Variants in SYN3 observed in about 807,000 individuals in gnomAD.
SYN3 encodes synapsin-3.
In SYN3, 35 loss-of-function variants were observed where a neutral mutation model predicts 65.8. The observed-to-expected ratio is 0.53, with a 90% CI of 0.41 to 0.70. The LOEUF (loss-of-function observed/expected upper bound fraction) is 0.70, where lower values mean the gene tolerates loss of function less well. Among genes scored for constraint, SYN3 ranks in the 30% least tolerant of loss-of-function variants. SYN3 has a pLI of 0.00. For missense variants in SYN3, 680 were observed against 749.0 expected, an observed-to-expected ratio of 0.91 and a Z score of 1.08; for synonymous variants, 270 against 292.9, an observed-to-expected ratio of 0.92 and a Z score of 0.80.
chr22:32,912,401 G>C lies in SYN3; in HGVS notation c.461+18989C>G, dbSNP rs1341891220. 5.9e-5 allele frequency among the ~76,000 whole-genome samples: 9 copies of C among 151,834 alleles called. No individual in the cohort carries two copies. The East Asian group carries it at 1.6e-3, about 26-fold the overall frequency. ...CTGAGAAAAATGTGGCTGAAACTGA[G>C]ACAACAATTAAAGTTTTAAAGCACT... On this transcript the variant is annotated intron_variant, in intron 4 of 13. Coordinates refer to ENST00000358763, the MANE Select transcript of SYN3 (RefSeq NM_003490.4).
At chr22:32,519,690 C>T (rs1292738247) in intron 12 of SYN3, 1 of 152,226 alleles carries the variant, frequency 6.6e-6, no homozygotes, top group Non-Finnish European at 1.5e-5. Flanking sequence ...AATCAAGGTG[C>T]ACTCTCCTAA....
intron 6 of SYN3, among the ~76,000 whole-genome samples, chr22:32,764,497 G>A (rs2045572279): frequency 6.6e-6 from 1 of 152,176 alleles, no homozygotes; most frequent in Non-Finnish European, 1.5e-5. Context: ...CCAGTGGGCT[G>A]CTTTCGGATC....
chr22:32,979,665 T>C (rs1023087649), intron 3 of SYN3, among the ~76,000 whole-genome samples: 1 of 152,216 alleles, frequency 6.6e-6, no homozygotes, highest in Non-Finnish European at 1.5e-5. Context: ...ATAATGATGC[T>C]GATGATAAAT....
At chr22:33,031,176 A>G (rs536728706) in intron 1 of SYN3, among the ~76,000 whole-genome samples, 20 of 152,294 alleles carry the variant, frequency 1.3e-4, no homozygotes, top group African/African-American at 4.8e-4. Flanking sequence ...CTACTGAGTA[A>G]TTGGGTGAGT....
At chr22:32,749,581 C>T (rs1190200702) in intron 6 of SYN3, among the ~76,000 whole-genome samples, 1 of 152,054 alleles carries the variant, frequency 6.6e-6, no homozygotes, top group Non-Finnish European at 1.5e-5. Flanking sequence ...GCAGGGGTTG[C>T]AGTGAGCCAA....
chr22:32,801,969 G>A lies in SYN3; in HGVS notation c.711+62946C>T. 1 of 1,577,298 alleles carries A rather than the reference G, an allele frequency of 6.3e-7. No individual in the cohort carries two copies. Among genetic ancestry groups the A allele is most frequent in the Non-Finnish European group, 8.6e-7 (1 of 1,169,492 alleles). ...GCGCACGGCAACTTTGGAGAGGCGA[G>A]CAGCAGCCCCGGCAGCGGCGGCAGC... On this transcript the variant is annotated intron_variant, in intron 6 of 13. Transcript: ENST00000358763. This position sits in a 1 kb window ranked among gnomAD's most constrained non-coding sequence, Gnocchi z 4.7.
At chr22:32,898,874 G>T (rs1332286947) in intron 4 of SYN3, among the ~76,000 whole-genome samples, 1 of 152,128 alleles carries the variant, frequency 6.6e-6, no homozygotes, top group Non-Finnish European at 1.5e-5. Context: ...AGGCCGAGGC[G>T]GGTGGATCAC....
chr22:32,783,609 TC>T (rs2046124493), intron 6 of SYN3, among the ~76,000 whole-genome samples: 1 of 152,146 alleles, frequency 6.6e-6, no homozygotes, highest in South Asian at 2.1e-4. Flanking sequence ...CATGCTGGAA[TC>T]CCCTGTGCGC....
At chr22:32,949,960 ATGT>A (rs2051240529) in intron 3 of SYN3, among the ~76,000 whole-genome samples, 1 of 152,286 alleles carries the variant, frequency 6.6e-6, no homozygotes, top group South Asian at 2.1e-4. Flanking sequence ...ACACAACGAG[ATGT>A]TGTCCAGAGT....
At chr22:33,036,264 G>A (rs1010625212) in intron 1 of SYN3, among the ~76,000 whole-genome samples, 6 of 152,112 alleles carry the variant, frequency 3.9e-5, no homozygotes, top group African/African-American at 1.4e-4. Context: ...CATAAACCTC[G>A]ATGATTGAGA....
At chr22:33,042,731 G>A (rs549156609) in intron 1 of SYN3, among the ~76,000 whole-genome samples, 13 of 152,194 alleles carry the variant, frequency 8.5e-5, no homozygotes, top group Admixed American at 5.9e-4. Flanking sequence ...GGAGCCCCCC[G>A]CCACCCAATC....
At chr22:32,544,612 G>A (rs573991563) in intron 7 of SYN3, among the ~76,000 whole-genome samples, 1 of 152,166 alleles carries the variant, frequency 6.6e-6, no homozygotes, top group Non-Finnish European at 1.5e-5. Flanking sequence ...CTGTACCACT[G>A]TTTTCCCAGT....
At chr22:32,883,224 T>G (rs1256375546) in intron 4 of SYN3, among the ~76,000 whole-genome samples, 4 of 152,184 alleles carry the variant, frequency 2.6e-5, no homozygotes, top group Non-Finnish European at 5.9e-5. Context: ...GCTGGAGACA[T>G]ATGGCAGTAA....
chr22:32,884,662 C>T (rs1011898617), intron 4 of SYN3, among the ~76,000 whole-genome samples: 13 of 152,256 alleles, frequency 8.5e-5, no homozygotes, highest in African/African-American at 2.4e-4. Context: ...GGGCGGATCA[C>T]GAGGTCAGGA....
rs184395584 is a variant in SYN3 at position 32,711,331 on chromosome 22, C to T, written c.712-114595G>A. Among the ~76,000 whole-genome samples, 486 of 152,242 alleles carry T rather than the reference C, an allele frequency of 3.2e-3. 2 individuals carry two copies. The highest frequency in any genetic ancestry group is 4.9e-3 in the Non-Finnish European group (334 of 68,038). ...GATCTGAACCAATTGGATTCATTCT[C>T]TTGGGAATTTGTTTTGGGAACAAGA... On this transcript the variant is annotated intron_variant, in intron 6 of 13. Transcript: ENST00000358763.
intron 6 of SYN3, among the ~76,000 whole-genome samples, chr22:32,781,953 T>C (rs1003156499): frequency 4.6e-5 from 7 of 152,172 alleles, no homozygotes; most frequent in African/African-American, 1.7e-4. Flanking sequence ...AATGAAGTTT[T>C]CCTTCCATGT....
chr22:32,658,344 G>A (rs971901804), intron 6 of SYN3, among the ~76,000 whole-genome samples: 16 of 152,220 alleles, frequency 1.1e-4, no homozygotes, highest in Non-Finnish European at 1.6e-4. Flanking sequence ...CCCCGCTTTC[G>A]GGTGGATGGG....
chr22:32,586,576 T>G lies in SYN3; in HGVS notation c.774+10098A>C, dbSNP rs147720172. On this transcript the variant is annotated intron_variant, in intron 7 of 13. Transcript: ENST00000358763. ...CATCAACAAAAAGCACAAAAATGCA[T>G]AAGTGTGGCACCAAATAGACTGCAA... 4.5e-3 allele frequency among the ~76,000 whole-genome samples: 683 copies of G among 152,196 alleles called. 2 individuals are homozygous for G. Among genetic ancestry groups the G allele is most frequent in the South Asian group, 0.023 (111 of 4,820 alleles).
At chr22:32,583,769 C>G (rs752694015) in intron 7 of SYN3, 1 of 152,166 alleles carries the variant, frequency 6.6e-6, no homozygotes, top group African/African-American at 2.4e-5. Context: ...TCAGGTAGCA[C>G]TAGATACTGA....
Sources: gnomAD v4.1 joint callset for allele counts (sites outside exome capture counted in the v4.1 genomes callset) on GRCh38, gnomAD v4.1.1 for gene constraint, Gnocchi (gnomAD v3.1) non-coding constraint, MANE v1.5 for transcripts, NCBI Gene and HGNC (gene_info 2026-07-23, HGNC 2026-07-21) for gene names.